Variants in WDR19 observed in about 807,000 individuals in gnomAD.
WDR19 encodes WD repeat domain 19, also known as WD repeat-containing protein 19.
WDR19 carries 121 observed loss-of-function variants against 180.0 expected under a neutral mutation model. The observed-to-expected ratio is 0.67, with a 90% CI of 0.58 to 0.78. The LOEUF is 0.78. WDR19 is among the 30% of genes least tolerant of loss of function. The probability of loss-of-function intolerance (pLI) is 0.00; values close to 1 mark genes in which losing one functional copy is unlikely to be tolerated. For missense variants in WDR19, 1,450 were observed against 1,640.7 expected (o/e 0.88, Z 2.01); for synonymous variants, 497 against 540.7 (o/e 0.92, Z 1.12).
Position 39,205,741 on chromosome 4 carries a change from G to C in WDR19, c.890+5G>C. 6.3e-7 allele frequency: 1 copy of C among 1,584,718 alleles called. No individual in the cohort carries two copies. ...TGCTACATGTGGAGATAACTGGTAAGTTATTTTCACATATTTTTAGGAAAG... is the reference window on the plus strand; with the variant it reads ...TGCTACATGTGGAGATAACTGGTAACTTATTTTCACATATTTTTAGGAAAG... On this transcript the variant is annotated splice_donor_5th_base_variant and intron_variant, in intron 9 of 36. Transcript: ENST00000399820.
At chr4:39,199,356 T>G in intron 5 of WDR19, 122 bp from the exon 6 acceptor site, 1 of 716,206 alleles carries the variant, frequency 1.4e-6, no homozygotes. Flanking sequence ...GCGTAGACAT[T>G]AACTGCTTTG....
chr4:39,220,030 G>A (rs1729485335), intron 14 of WDR19, among the ~76,000 whole-genome samples: 1 of 151,952 alleles, frequency 6.6e-6, no homozygotes, highest in African/African-American at 2.4e-5. Flanking sequence ...ACCATCTTGG[G>A]CAACATGGCG....
At chr4:39,251,309 G>T (rs956170877) in intron 24 of WDR19, among the ~76,000 whole-genome samples, 1 of 152,102 alleles carries the variant, frequency 6.6e-6, no homozygotes, top group African/African-American at 2.4e-5. Flanking sequence ...TAGCCATATG[G>T]AGAAAGCTGA....
chr4:39,183,776 G>C (rs1300936424), intron 1 of WDR19, among the ~76,000 whole-genome samples: 1 of 152,144 alleles, frequency 6.6e-6, no homozygotes, highest in African/African-American at 2.4e-5. Flanking sequence ...CAGCTAATAA[G>C]CTACAAACAA....
intron 20 of WDR19, among the ~76,000 whole-genome samples, chr4:39,236,373 G>A (rs1731380999): frequency 6.6e-6 from 1 of 152,202 alleles, no homozygotes; most frequent in African/African-American, 2.4e-5. Flanking sequence ...GGGTGGAACT[G>A]GAGGCCAAAA....
intron 20 of WDR19, among the ~76,000 whole-genome samples, chr4:39,237,204 ACT>A (rs1202053177): frequency 6.6e-6 from 1 of 152,124 alleles, no homozygotes; most frequent in Non-Finnish European, 1.5e-5. Flanking sequence ...TGTCATAGAG[ACT>A]TTGGATTCAT....
intron 36 of WDR19, among the ~76,000 whole-genome samples, chr4:39,282,778 T>G (rs1476732551): frequency 1.3e-5 from 2 of 152,242 alleles, no homozygotes; most frequent in African/African-American, 4.8e-5. Flanking sequence ...ATTTTAATAC[T>G]CAATGAAATT....
chr4:39,283,677 GTC>G (rs1332203885), intron 36 of WDR19, among the ~76,000 whole-genome samples: 2 of 151,662 alleles, frequency 1.3e-5, no homozygotes, highest in African/African-American at 4.8e-5. Context: ...CTTTAGTTGT[GTC>G]TTTTTAAAGG....
chr4:39,284,182 T>C (rs1056502849), intron 36 of WDR19, among the ~76,000 whole-genome samples: 1 of 152,116 alleles, frequency 6.6e-6, no homozygotes, highest in Non-Finnish European at 1.5e-5. Flanking sequence ...CTTCTCATTC[T>C]GGAACTCCAG....
intron 20 of WDR19, among the ~76,000 whole-genome samples, chr4:39,235,132 A>T (rs895847959): frequency 1.2e-4 from 18 of 151,658 alleles, no homozygotes; most frequent in Non-Finnish European, 2.1e-4. Context: ...TGTTATTATT[A>T]TTTTTTTTAA....
intron 17 of WDR19, among the ~76,000 whole-genome samples, chr4:39,231,168 G>A (rs182443328): frequency 6.6e-5 from 10 of 152,152 alleles, no homozygotes; most frequent in Admixed American, 1.3e-4. Flanking sequence ...AAAATTAGCC[G>A]GGTGTCATGG....
intron 14 of WDR19, among the ~76,000 whole-genome samples, chr4:39,224,039 A>C (rs1342282501): frequency 2.0e-5 from 3 of 152,210 alleles, no homozygotes; most frequent in African/African-American, 7.2e-5. Context: ...AATTTTCAGC[A>C]TACAAGTCCT....
intron 5 of WDR19, among the ~76,000 whole-genome samples, chr4:39,198,462 G>A (rs1727011075): frequency 6.6e-6 from 1 of 152,138 alleles, no homozygotes; most frequent in Admixed American, 6.5e-5. Context: ...TGGGGAGGCT[G>A]AGGCAGGAGA....
intron 19 of WDR19, 50 bp from the exon 20 acceptor site, chr4:39,234,716 T>C (rs781708294): frequency 3.1e-5 from 38 of 1,244,040 alleles, no homozygotes; most frequent in Non-Finnish European, 4.4e-5. Flanking sequence ...GTGGTAACTT[T>C]GCAAAATAAT....
chr4:39,271,429 C>CA (rs889521612), intron 31 of WDR19, among the ~76,000 whole-genome samples: 13 of 152,060 alleles, frequency 8.5e-5, no homozygotes, highest in African/African-American at 3.1e-4. Flanking sequence ...TGAGGCTGGG[C>CA]ATGGTGGCTC....
At chr4:39,269,706 G>T (rs1378513521) in intron 30 of WDR19, among the ~76,000 whole-genome samples, 1 of 152,112 alleles carries the variant, frequency 6.6e-6, no homozygotes, top group African/African-American at 2.4e-5. Flanking sequence ...AATTACCCAG[G>T]CATGGGAGGA....
chr4:39,244,689 G>A, intron 23 of WDR19, 137 bp downstream of exon 23: 2 of 821,070 alleles, frequency 2.4e-6, no homozygotes, highest in Admixed American at 2.7e-5. Flanking sequence ...CATCTCTTTT[G>A]TTCTCCTTAG....
At chr4:39,266,182 T>A (rs765950321) in intron 29 of WDR19, 42 bp downstream of exon 29, 17 of 1,483,854 alleles carry the variant, frequency 1.1e-5, no homozygotes, top group Non-Finnish European at 1.5e-5. Context: ...CAGGTCTCAG[T>A]TACAGTTTGA....
intron 24 of WDR19, among the ~76,000 whole-genome samples, chr4:39,251,639 T>C (rs1470342075): frequency 6.6e-6 from 1 of 152,028 alleles, no homozygotes; most frequent in Non-Finnish European, 1.5e-5. Context: ...ATCCAGAATC[T>C]ACAAAGAACT....
Sources: allele counts gnomAD v4.1 joint callset (sites outside exome capture counted in the v4.1 genomes callset), GRCh38; gene constraint gnomAD v4.1.1; transcripts MANE v1.5; gene names NCBI Gene and HGNC (gene_info 2026-07-23, HGNC 2026-07-21).